CNTN2: variants seen among roughly 807,000 people sequenced by gnomAD.
CNTN2 encodes contactin-2.
Under a neutral mutation model 117.5 loss-of-function variants are expected in CNTN2, and 53 were observed. The ratio of observed to expected loss-of-function variants is 0.45; its 90% CI spans 0.36 to 0.57. CNTN2 has a LOEUF of 0.57. Among genes scored for constraint, CNTN2 ranks in the 20% least tolerant of loss-of-function variants. CNTN2 has a pLI of 0.00. For missense variants in CNTN2, 1,106 were observed against 1,404.3 expected (o/e 0.79, Z 3.39); for synonymous variants, 530 against 561.7 (o/e 0.94, Z 0.80).
intron 1 of CNTN2, among the ~76,000 whole-genome samples, chr1:205,045,915 T>C (rs937181704): frequency 6.6e-6 from 1 of 152,336 alleles, no homozygotes; most frequent in East Asian, 1.9e-4. Context: ...TGGCTGACCC[T>C]GTAAATTTCT....
intron 1 of CNTN2, among the ~76,000 whole-genome samples, chr1:205,047,455 G>A (rs2096443528): frequency 6.6e-6 from 1 of 152,140 alleles, no homozygotes; most frequent in Admixed American, 6.5e-5. Flanking sequence ...AAAAGGTACT[G>A]ATCTTAGATC....
Position 205,065,205 on chromosome 1 carries a change from G to A in CNTN2, c.1638G>A (p.Leu546=), listed in dbSNP as rs1439790279. Residue 546 remains leucine, a synonymous_variant, in exon 13 of 23, where the codon CTG becomes CTA. Coordinates refer to ENST00000331830, the MANE Select transcript of CNTN2 (RefSeq NM_005076.5). This position sits in a 1 kb window ranked among gnomAD's most constrained non-coding sequence, Gnocchi z 4.1. ...TGGACCTCACCTTCACCTGGACCCT[G>A]GACGACTTCCCCATCGACTTTGATA... is the stretch of plus-strand genomic sequence containing the variant. ...PTMDLTFTWT[L]DDFPIDFDKP... 1 of 1,614,130 alleles carries A rather than the reference G, an allele frequency of 6.2e-7. No homozygotes were observed. Among genetic ancestry groups the A allele is most frequent in the Non-Finnish European group, 8.5e-7 (1 of 1,180,036 alleles).
chr1:205,044,467 G>C (rs561626904), intron 1 of CNTN2, among the ~76,000 whole-genome samples: 35 of 152,026 alleles, frequency 2.3e-4, no homozygotes, highest in Admixed American at 6.5e-4. Context: ...CTGGGGGGGG[G>C]GGTCCAGTGA....
Position 205,072,544 on chromosome 1 carries a change from G to A in CNTN2, c.2793G>A (p.Lys931=), listed in dbSNP as rs1654651009. The change falls in exon 21 of 23, where the codon AAG becomes AAA. Residue 931 remains lysine, a synonymous_variant. Coordinates refer to ENST00000331830, the MANE Select transcript of CNTN2 (RefSeq NM_005076.5). ...WTFSSSSLSI[K]WDPVVPFRNE... is the part of the protein sequence containing the mutation. ...TCTCAAGCTCTAGTCTTAGCATTAA[G>A]TGGGACCCTGTGGTCCCTTTCCGAA... is the stretch of plus-strand genomic sequence containing the variant. 1 of 1,614,080 alleles carries A rather than the reference G, an allele frequency of 6.2e-7. No individual in the cohort carries two copies. Among genetic ancestry groups the A allele is most frequent in the Admixed American group, 1.7e-5 (1 of 60,010 alleles).
chr1:205,061,824 C>G lies in CNTN2; in HGVS notation c.974-41C>G. ...GTTCCTTTTAATGAGCTGGAAGCTC[C>G]TCCTAGCTCATGCCAGGTTTTCTTT... On this transcript the variant is annotated intron_variant, in intron 8 of 22. Transcript: ENST00000331830. The surrounding 1 kb of genome is among the most constrained non-coding windows in gnomAD (Gnocchi z 4.8). 6.7e-7 allele frequency: 1 copy of G among 1,501,594 alleles called. No individual in the cohort carries two copies. The highest frequency in any genetic ancestry group is 1.4e-5 in the South Asian group (1 of 73,626). 93.0% of individuals were successfully genotyped at this position (1,501,594 alleles called of 1,614,324 possible).
intron 9 of CNTN2, 90 bp from the exon 10 acceptor site, chr1:205,062,350 A>C: frequency 2.0e-6 from 3 of 1,480,640 alleles, no homozygotes; most frequent in Non-Finnish European, 2.7e-6. Context: ...TTATCAGCCT[A>C]GAGTCTCCAC....
At chr1:205,064,930 C>A (rs930307397) in intron 12 of CNTN2, among the ~76,000 whole-genome samples, 157 bp from the exon 13 acceptor site, 8 of 152,154 alleles carry the variant, frequency 5.3e-5, no homozygotes, top group Non-Finnish European at 1.2e-4. Context: ...TCCCTGCCTG[C>A]CACACACTCA....
At position 205,070,477 on chromosome 1, in the gene CNTN2, A is replaced by C; in HGVS notation, c.2483A>C (p.Glu828Ala). The C allele has an allele frequency of 6.2e-7, 1 of 1,613,988 alleles. No homozygotes were observed. Among genetic ancestry groups the C allele is most frequent in the Non-Finnish European group, 8.5e-7 (1 of 1,179,960 alleles). Residue 828 changes from glutamate (E) to alanine (A), a missense_variant, in exon 19 of 23, where the codon GAG becomes GCG. Transcript: ENST00000331830. ...TGGGCCAAAGGGGTCTCATCCTCAG[A>C]GATGAACGTGACCTGGGAACCCGTG... ...KVWAKGVSSSEMNVTWEPVQQ... is the reference protein window; with the variant it reads ...KVWAKGVSSSAMNVTWEPVQQ...
Position 205,067,097 on chromosome 1 carries a change from G to A in CNTN2, c.1976-4G>A, listed in dbSNP as rs1322627610. The A allele has an allele frequency of 6.2e-7, 1 of 1,606,638 alleles. No homozygotes were observed. Among genetic ancestry groups the A allele is most frequent in the East Asian group, 2.2e-5 (1 of 44,812 alleles). ...TGGAATATGGACTCCCTGGTGCCTT[G>A]CAGATCCTGCAAACATCGAGGGCAA... is the stretch of plus-strand genomic sequence containing the variant. On this transcript the variant is annotated splice_region_variant and splice_polypyrimidine_tract_variant and intron_variant, in intron 15 of 22. Coordinates refer to ENST00000331830, the MANE Select transcript of CNTN2 (RefSeq NM_005076.5).
At chr1:205,057,888 C>T (rs1194254765) in intron 2 of CNTN2, 33 bp from the exon 3 acceptor site, 1 of 1,607,478 alleles carries the variant, frequency 6.2e-7, no homozygotes, top group South Asian at 1.1e-5. Flanking sequence ...CAGGCCAAGG[C>T]TCTGAGGCAT....
rs190280755 is a variant in CNTN2 at position 205,065,469 on chromosome 1, G to A, written c.1695+207G>A. Among the ~76,000 whole-genome samples, 77 of 152,224 alleles carry A rather than the reference G, an allele frequency of 5.1e-4. No individual in the cohort carries two copies. Among genetic ancestry groups the A allele is most frequent in the Non-Finnish European group, 3.4e-4 (23 of 68,000 alleles). On this transcript the variant is annotated intron_variant, in intron 13 of 22. Coordinates refer to ENST00000331830, the MANE Select transcript of CNTN2 (RefSeq NM_005076.5). This position sits in a 1 kb window ranked among gnomAD's most constrained non-coding sequence, Gnocchi z 4.1. The stretch of plus-strand genomic sequence containing the variant: ...GGACCATGCATTTAGGAGAGGGTTA[G>A]GGACAAACCTGGAGTTGTGGGCAGC...
intron 15 of CNTN2, among the ~76,000 whole-genome samples, chr1:205,066,898 C>T (rs1654321711): frequency 7.7e-6 from 1 of 129,914 alleles, no homozygotes; most frequent in African/African-American, 2.7e-5. Flanking sequence ...GGGGCGTAGG[C>T]GTGCACACAG....
rs1318630821 is a variant in CNTN2, at chr1:205,065,259, T to G, written c.1692T>G (p.Asn564Lys). 1.2e-6 allele frequency: 2 copies of G among 1,614,010 alleles called. No homozygotes were observed. Among genetic ancestry groups the G allele is most frequent in the East Asian group, 4.5e-5 (2 of 44,872 alleles). The change falls in exon 13 of 23, where the codon AAT becomes AAG. Residue 564 changes from asparagine (N) to lysine (K), a missense_variant. Transcript: ENST00000331830. This position sits in a 1 kb window ranked among gnomAD's most constrained non-coding sequence, Gnocchi z 4.1. ...CTGGAGGGCACTACCGGAGAACTAA[T>G]GTGGTGAGACCTAGGGCCAGAGCCC... ...DKPGGHYRRT[N>K]VKETIGDLTI... is the part of the protein sequence containing the mutation.
chr1:205,069,121 A>G (rs1654452228), intron 16 of CNTN2: 1 of 184,542 alleles, frequency 5.4e-6, no homozygotes, highest in African/African-American at 2.3e-5. Context: ...ATTTAGTTTA[A>G]GTTGATGGAG....
In CNTN2 at chr1:205,050,743, C is replaced by T. The variant is rs183011288; in HGVS notation, c.-86-2357C>T. 8.9e-3 allele frequency among the ~76,000 whole-genome samples: 1,351 copies of T among 151,888 alleles called. 10 individuals are homozygous for T. The highest frequency in any genetic ancestry group is 0.014 in the Non-Finnish European group (958 of 67,886). On this transcript the variant is annotated intron_variant, in intron 1 of 22. Coordinates refer to ENST00000331830, the MANE Select transcript of CNTN2 (RefSeq NM_005076.5). Reference sequence around the variant, plus strand: ...AAGTGATTCTCATGCCTCAGCCTCCCGAGTAGCTGGGATTACAGGCACCTG... The same window carrying T: ...AAGTGATTCTCATGCCTCAGCCTCCTGAGTAGCTGGGATTACAGGCACCTG...
At chr1:205,064,200 G>A (rs1246765030) in intron 10 of CNTN2, 122 bp from the exon 11 acceptor site, 1 of 1,094,386 alleles carries the variant, frequency 9.1e-7, no homozygotes, top group Non-Finnish European at 1.3e-6. Flanking sequence ...CTTGGTTCTG[G>A]ATGCATTCTG....
At chr1:205,071,417 T>G (rs1574661423) in intron 19 of CNTN2, among the ~76,000 whole-genome samples, 1 of 152,202 alleles carries the variant, frequency 6.6e-6, no homozygotes, top group Non-Finnish European at 1.5e-5. Context: ...AGTAGAGTAC[T>G]CTAGATTTGA....
rs995376309 is a variant in CNTN2, at chr1:205,052,650, C to T, written c.-86-450C>T. ...GCTCCCAGAGGGGCTTACTAGCCCC[C>T]ACCCAGACAGCTGAGGGGAAGGGGC... On this transcript the variant is annotated intron_variant, in intron 1 of 22. Transcript: ENST00000331830. Among the ~76,000 whole-genome samples the T allele has an allele frequency of 4.6e-5, 7 of 152,200 alleles. 1 individual carries two copies. In the East Asian group the frequency reaches 1.3e-3, roughly 29 times the overall value.
chr1:205,071,054 G>A lies in CNTN2; in HGVS notation c.2544+516G>A, dbSNP rs1433307197. Among the ~76,000 whole-genome samples the A allele has an allele frequency of 1.3e-5, 2 of 152,026 alleles. 1 individual carries two copies. Among genetic ancestry groups the A allele is most frequent in the Non-Finnish European group, 2.9e-5 (2 of 68,018 alleles). On this transcript the variant is annotated intron_variant, in intron 19 of 22. Coordinates refer to ENST00000331830, the MANE Select transcript of CNTN2 (RefSeq NM_005076.5). Reference sequence around the variant, plus strand: ...CCCATTGGGGAAGACAGACCCTGGAGGCAGCCTTAAAGTAAATGCTTGGCT... The same window carrying A: ...CCCATTGGGGAAGACAGACCCTGGAAGCAGCCTTAAAGTAAATGCTTGGCT...
Sources: gnomAD v4.1 joint callset for allele counts (sites outside exome capture counted in the v4.1 genomes callset) on GRCh38, gnomAD v4.1.1 for gene constraint, Gnocchi (gnomAD v3.1) non-coding constraint, MANE v1.5 for transcripts, NCBI Gene and HGNC (gene_info 2026-07-23, HGNC 2026-07-21) for gene names.